Variants in WAC observed in about 807,000 individuals in gnomAD.
WAC encodes WW domain-containing adapter protein with coiled-coil.
A neutral mutation model predicts 79.6 loss-of-function variants in WAC; 11 were observed. The ratio of observed to expected loss-of-function variants is 0.14; its 90% confidence interval spans 0.09 to 0.23. WAC has a LOEUF of 0.23. Ranked by LOEUF, WAC falls within the 10% of genes least tolerant of loss-of-function variation. The pLI, the probability that WAC is intolerant of heterozygous loss-of-function variation, is 1.00. For missense variants in WAC, 728 were observed against 773.5 expected (o/e 0.94, Z 0.70); for synonymous variants, 304 against 276.9 (o/e 1.10, Z -0.97).
intron 10 of WAC, among the ~76,000 whole-genome samples, chr10:28,613,009 G>A (rs780909350): frequency 8.5e-5 from 13 of 152,124 alleles, no homozygotes; most frequent in East Asian, 7.7e-4. Flanking sequence ...AAGGCTGGGC[G>A]CGGTGGCTCA....
At chr10:28,617,358 C>G (rs1589250691) in intron 12 of WAC, among the ~76,000 whole-genome samples, 1 of 152,114 alleles carries the variant, frequency 6.6e-6, no homozygotes, top group Non-Finnish European at 1.5e-5. Flanking sequence ...TTTGGCTGAC[C>G]CAGCATCTTT....
chr10:28,608,298 T>A lies in WAC; in HGVS notation c.1032T>A (p.Pro344=), dbSNP rs753011233. Residue 344 remains proline, a synonymous_variant, in exon 8 of 14, where the codon CCT becomes CCA. Transcript: ENST00000354911. ...CTCCAACATCTGCTTCAGCGGTCCCTGTTTCTCCTGTTCCACAGTCGCCAA... is the reference window on the plus strand; with the variant it reads ...CTCCAACATCTGCTTCAGCGGTCCCAGTTTCTCCTGTTCCACAGTCGCCAA... The part of the protein sequence containing the change: ...SAPPTSASAV[P]VSPVPQSPIP... 6.2e-7 allele frequency: 1 copy of A among 1,614,192 alleles called. No individual in the cohort carries two copies. Among genetic ancestry groups the A allele is most frequent in the Non-Finnish European group, 8.5e-7 (1 of 1,180,022 alleles).
At chr10:28,545,731 T>C (rs763878312) in intron 3 of WAC, among the ~76,000 whole-genome samples, 3 of 152,208 alleles carry the variant, frequency 2.0e-5, no homozygotes, top group Non-Finnish European at 4.4e-5. Context: ...TGCTATTAAA[T>C]AGCTAACTTA....
At chr10:28,536,852 T>C (rs1014761407) in intron 3 of WAC, among the ~76,000 whole-genome samples, 4 of 152,244 alleles carry the variant, frequency 2.6e-5, no homozygotes, top group African/African-American at 9.6e-5. Flanking sequence ...CTTAAGTAGA[T>C]AACATATCTT....
intron 3 of WAC, among the ~76,000 whole-genome samples, chr10:28,543,184 TGATA>T (rs1837157457): frequency 5.3e-5 from 8 of 152,202 alleles, no homozygotes; most frequent in Non-Finnish European, 8.8e-5. Context: ...AGATCTCGGG[TGATA>T]CCTACACTTC....
chr10:28,606,121 G>A (rs564040045), intron 7 of WAC, among the ~76,000 whole-genome samples: 11 of 151,932 alleles, frequency 7.2e-5, no homozygotes, highest in Middle Eastern at 6.8e-3. Context: ...GCTGAATCAC[G>A]GCTTAATGCA....
chr10:28,620,310 T>A lies in WAC; in HGVS notation c.*704T>A, dbSNP rs1369842830. On this transcript the variant is annotated 3_prime_UTR_variant, in exon 14 of 14. Transcript: ENST00000354911. ...CATTCCTGTGTACAGTAGCTTAAAA[T>A]TGCAGTGATTGAGCATAACCTACTT... 1 of 152,650 alleles carries A rather than the reference T, an allele frequency of 6.6e-6. No homozygotes were observed. Among genetic ancestry groups the A allele is most frequent in the Non-Finnish European group, 1.5e-5 (1 of 68,056 alleles). The allele number at this position is 152,650 out of a possible 1,614,324, so 9.5% of individuals were successfully genotyped here.
intron 7 of WAC, among the ~76,000 whole-genome samples, chr10:28,606,574 G>A (rs1006059694): frequency 1.3e-5 from 2 of 152,192 alleles, no homozygotes; most frequent in Non-Finnish European, 2.9e-5. Context: ...ACACTTTAGA[G>A]AGCTATTATC....
At chr10:28,614,412 ATTTTATG>A in intron 10 of WAC, among the ~76,000 whole-genome samples, 148 bp from the exon 11 acceptor site, 1 of 152,184 alleles carries the variant, frequency 6.6e-6, no homozygotes, top group Non-Finnish European at 1.5e-5. Flanking sequence ...TAGGGAAGTA[ATTTTATG>A]ACCTTGGGCC....
intron 2 of WAC, 199 bp from the exon 3 acceptor site, chr10:28,535,363 A>T (rs908280200): frequency 4.2e-5 from 16 of 381,246 alleles, no homozygotes; most frequent in Admixed American, 1.4e-4. Flanking sequence ...GTGATTTGTT[A>T]TCAGGAGTCT....
chr10:28,602,409 T>C (rs1399100228), intron 7 of WAC, among the ~76,000 whole-genome samples: 2 of 152,224 alleles, frequency 1.3e-5, no homozygotes, highest in East Asian at 3.8e-4. Flanking sequence ...GTCACAGATT[T>C]AGGTGTTGTC....
At chr10:28,606,801 G>A (rs762707329) in intron 7 of WAC, among the ~76,000 whole-genome samples, 3 of 152,114 alleles carry the variant, frequency 2.0e-5, no homozygotes, top group African/African-American at 7.2e-5. Flanking sequence ...GTACCTAAAG[G>A]GGAATTACTG....
chr10:28,593,357 G>A (rs1589215894), intron 6 of WAC, among the ~76,000 whole-genome samples: 1 of 152,166 alleles, frequency 6.6e-6, no homozygotes, highest in Non-Finnish European at 1.5e-5. Context: ...AACTTTAGGG[G>A]ATGGCAGAGG....
intron 3 of WAC, among the ~76,000 whole-genome samples, chr10:28,564,584 T>G (rs1838493442): frequency 6.6e-6 from 1 of 152,228 alleles, no homozygotes; most frequent in South Asian, 2.1e-4. Context: ...TGCTTGTTAA[T>G]AGGCAGGAGA....
chr10:28,594,217 T>C (rs952046445), intron 6 of WAC, among the ~76,000 whole-genome samples: 11 of 152,186 alleles, frequency 7.2e-5, no homozygotes, highest in African/African-American at 1.4e-4. Flanking sequence ...TTAATTTTCA[T>C]TGGAGTACAT....
At chr10:28,570,958 T>A (rs1838923421) in intron 3 of WAC, among the ~76,000 whole-genome samples, 4 of 135,422 alleles carry the variant, frequency 3.0e-5, no homozygotes, top group African/African-American at 1.1e-4. Context: ...TTTTTTTTTT[T>A]TTTTTTTTTT....
chr10:28,547,740 G>GATGT (rs1837432315), intron 3 of WAC, among the ~76,000 whole-genome samples: 1 of 151,844 alleles, frequency 6.6e-6, no homozygotes. Flanking sequence ...TACCCATTGG[G>GATGT]ATGTATGACT....
At chr10:28,565,516 G>C (rs1414294185) in intron 3 of WAC, among the ~76,000 whole-genome samples, 1 of 152,156 alleles carries the variant, frequency 6.6e-6, no homozygotes, top group Non-Finnish European at 1.5e-5. Flanking sequence ...GGGACTACAG[G>C]TGTGCACCAC....
intron 6 of WAC, chr10:28,591,156 C>A: frequency 3.7e-6 from 1 of 267,762 alleles, no homozygotes; most frequent in South Asian, 3.8e-5. Context: ...CCTGCCTGCC[C>A]TTAAGTTGTG....
Sources: gnomAD v4.1 joint callset for allele counts (sites outside exome capture counted in the v4.1 genomes callset) on GRCh38, gnomAD v4.1.1 for gene constraint, MANE v1.5 for transcripts, NCBI Gene and HGNC (gene_info 2026-07-23, HGNC 2026-07-21) for gene names.